Variants in TPPP2 observed in about 807,000 individuals in gnomAD.
The protein encoded by TPPP2 is tubulin polymerization promoting protein family member 2.
Under a neutral mutation model 13.0 loss-of-function variants are expected in TPPP2, and 8 were observed. The ratio of observed to expected loss-of-function variants is 0.62; its 90% CI spans 0.36 to 1.11. TPPP2 has a LOEUF of 1.11. Among genes scored for constraint, TPPP2 ranks in the 50% most tolerant of loss-of-function variants. TPPP2 has a pLI of 0.02. For synonymous variants in TPPP2, 81 were observed against 81.8 expected, an observed-to-expected ratio of 0.99 and a Z score of 0.05; for missense variants, 213 against 216.9, an observed-to-expected ratio of 0.98 and a Z score of 0.11.
At chr14:21,026,936 G>A (rs529799758), upstream of TPPP2, among the ~76,000 whole-genome samples, 1 of 146,434 alleles carries the variant, frequency 6.8e-6, no homozygotes, top group African/African-American at 2.8e-5. Context: ...CTGGGGAGAG[G>A]GAGAGCCTCG....
In TPPP2 at chr14:21,030,819, G is replaced by T. The variant is rs770735508; in HGVS notation, c.173+65G>T. 487 of 1,572,620 alleles carry T rather than the reference G, an allele frequency of 3.1e-4. 1 individual carries two copies. Among genetic ancestry groups the T allele is most frequent in the Non-Finnish European group, 2.8e-4 (325 of 1,155,448 alleles). Reference sequence around the variant, plus strand: ...CTGCGAGGTAGTTGGCCACGGAAGGGTTCACGTGGTGGAACATTTGCAGTG... The same window carrying T: ...CTGCGAGGTAGTTGGCCACGGAAGGTTTCACGTGGTGGAACATTTGCAGTG... On this transcript the variant is annotated intron_variant, in intron 2 of 3. Transcript: ENST00000321760.
upstream of TPPP2, among the ~76,000 whole-genome samples, chr14:21,029,545 C>A (rs1243287615): frequency 1.3e-5 from 2 of 152,172 alleles, no homozygotes; most frequent in Non-Finnish European, 2.9e-5. Context: ...TGCAGTGCCC[C>A]AGGATCATGC....
Position 21,030,537 on chromosome 14 carries a change from C to A in TPPP2, c.-45C>A, listed in dbSNP as rs1449787367. 6.3e-7 allele frequency: 1 copy of A among 1,594,948 alleles called. No individual in the cohort carries two copies. ...GTCCTCCCTCCCCCTTCTCCTTCACCCCCAAGTGTCTCCCACGACTGCCCT... is the reference window on the plus strand; with the variant it reads ...GTCCTCCCTCCCCCTTCTCCTTCACACCCAAGTGTCTCCCACGACTGCCCT... On this transcript the variant is annotated 5_prime_UTR_variant, in exon 2 of 4. Transcript: ENST00000321760.
intron 3 of TPPP2, 62 bp downstream of exon 3, chr14:21,031,227 C>T (rs753669989): frequency 1.3e-6 from 2 of 1,565,164 alleles, no homozygotes; most frequent in Non-Finnish European, 1.7e-6. Flanking sequence ...TCCAGTCTAC[C>T]CTCCCTAACC....
chr14:21,026,200 A>G (rs1883601241), upstream of TPPP2, among the ~76,000 whole-genome samples: 1 of 152,096 alleles, frequency 6.6e-6, no homozygotes, highest in South Asian at 2.1e-4. Flanking sequence ...TGCCCCTCGG[A>G]GGAAGGCTCC....
chr14:21,031,485 C>T (rs762887016), intron 3 of TPPP2, among the ~76,000 whole-genome samples: 2 of 152,210 alleles, frequency 1.3e-5, no homozygotes, highest in South Asian at 4.1e-4. Context: ...TCTTCCAATT[C>T]TTATTTAGGG....
At chr14:21,034,218 T>C (rs760659942), downstream of TPPP2, 11 of 1,614,038 alleles carry the variant, frequency 6.8e-6, no homozygotes, top group Non-Finnish European at 9.3e-6. Flanking sequence ...AATCTGCATC[T>C]TGATGTCCAT....
chr14:21,035,552 T>TCCTCTTAGGAGAG (rs1180613804), downstream of TPPP2, among the ~76,000 whole-genome samples: 1 of 152,184 alleles, frequency 6.6e-6, no homozygotes, highest in Non-Finnish European at 1.5e-5. Context: ...ATTTGGGGCC[T>TCCTCTTAGGAGAG]CCTCTTAGGA....
upstream of TPPP2, chr14:21,025,640 A>G: frequency 1.0e-6 from 1 of 985,272 alleles, no homozygotes; most frequent in Non-Finnish European, 1.2e-6. This position sits in a 1 kb window ranked among gnomAD's most constrained non-coding sequence, Gnocchi z 5.1. Flanking sequence ...TCGAGGGCGC[A>G]GGAGTTCCGA....
chr14:21,034,877 C>T (rs1249284356), downstream of TPPP2: 1 of 153,144 alleles, frequency 6.5e-6, no homozygotes, highest in African/African-American at 2.4e-5. Flanking sequence ...ACTATCTGGT[C>T]TCCTCCTCTA....
At position 21,030,902 on chromosome 14, in the gene TPPP2, T is replaced by C. The variant is rs146609024; in HGVS notation, c.174-110T>C. ...GTGCTATCCTTTGTCTTCGAGACACTCACTGATTGATAGGACAAAAGAGGC... is the reference window on the plus strand; with the variant it reads ...GTGCTATCCTTTGTCTTCGAGACACCCACTGATTGATAGGACAAAAGAGGC... On this transcript the variant is annotated intron_variant, in intron 2 of 3. Coordinates refer to ENST00000321760, the MANE Select transcript of TPPP2 (RefSeq NM_173846.5). 1,194 of 1,512,628 alleles carry C rather than the reference T, an allele frequency of 7.9e-4. 6 individuals are homozygous for C. In the African/African-American group the frequency reaches 0.014, roughly 18 times the overall value. The allele number at this position is 1,512,628 out of a possible 1,614,324, so 93.7% of individuals were successfully genotyped here. A position where few individuals can be genotyped will look rare whatever the true frequency, so the allele number is the denominator to read the frequency against.
chr14:21,030,403 G>A (rs1046582896), intron 1 of TPPP2, 99 bp downstream of exon 1: 34 of 630,868 alleles, frequency 5.4e-5, no homozygotes, highest in Middle Eastern at 8.7e-4. Flanking sequence ...CTGTAGTTGC[G>A]TAGGTGCAAT....
chr14:21,033,525 T>A, downstream of TPPP2: 1 of 446,158 alleles, frequency 2.2e-6, no homozygotes, highest in Non-Finnish European at 4.1e-6. Flanking sequence ...GGGTGGACAG[T>A]CACTGCCAAC....
rs200383138 is a variant in TPPP2, at chr14:21,031,977, G to A, written c.413G>A (p.Gly138Asp). The part of the protein sequence containing the change: ...GTHKERFDES[G>D]KGKGIAGREE... ...CACAAGGAGCGCTTTGATGAGAGTG[G>A]CAAGGGCAAGGGCATTGCGGGACGG... The change falls in exon 4 of 4, where the codon GGC becomes GAC. Residue 138 changes from glycine (G) to aspartate (D), a missense_variant. Transcript: ENST00000321760. The A allele has an allele frequency of 5.0e-6, 8 of 1,614,144 alleles. No homozygotes were observed. The highest frequency in any genetic ancestry group is 6.8e-6 in the Non-Finnish European group (8 of 1,179,984).
Position 21,025,122 on chromosome 14 carries a change from A to C in TPPP2, n.236+778A>C, listed in dbSNP as rs971366601. 2 of 969,584 alleles carry C rather than the reference A, an allele frequency of 2.1e-6. No individual in the cohort carries two copies. Among genetic ancestry groups the C allele is most frequent in the African/African-American group, 1.9e-5 (1 of 53,288 alleles). The allele number at this position is 969,584 out of a possible 1,614,324, so 60.1% of individuals were successfully genotyped here. On this transcript the variant is annotated intron_variant and non_coding_transcript_variant, in intron 1 of 1. Coordinates refer to the TPPP2 transcript ENST00000533755. This position sits in a 1 kb window ranked among gnomAD's most constrained non-coding sequence, Gnocchi z 5.1. ...CGCAGACCCGCCCCCGGCCCGCCCC[A>C]GCCCGCCCACGGGCGCTAGGCTCCC...
chr14:21,027,449 G>A (rs1883768976), upstream of TPPP2, among the ~76,000 whole-genome samples: 4 of 152,206 alleles, frequency 2.6e-5, no homozygotes, highest in South Asian at 2.1e-4. Flanking sequence ...GTCAAGAGAA[G>A]GTACAAACAC....
upstream of TPPP2, among the ~76,000 whole-genome samples, chr14:21,027,769 C>T (rs969115005): frequency 2.0e-5 from 3 of 152,204 alleles, no homozygotes; most frequent in African/African-American, 7.2e-5. Context: ...GGCTGTGGCC[C>T]ACAGTCTAGA....
intron 3 of TPPP2, among the ~76,000 whole-genome samples, chr14:21,031,524 T>C (rs930936568): frequency 1.3e-5 from 2 of 152,210 alleles, no homozygotes; most frequent in Admixed American, 6.5e-5. Flanking sequence ...GCCTCTCACC[T>C]ACTCCCTTTT....
chr14:21,025,742 G>A (rs999741186), upstream of TPPP2: 3 of 983,564 alleles, frequency 3.1e-6, no homozygotes, highest in African/African-American at 5.2e-5. This position sits in a 1 kb window ranked among gnomAD's most constrained non-coding sequence, Gnocchi z 5.1. Flanking sequence ...TGGACAACAA[G>A]GCGGGGAGGT....
Sources: gnomAD v4.1 joint callset for allele counts (sites outside exome capture counted in the v4.1 genomes callset) on GRCh38, gnomAD v4.1.1 for gene constraint, Gnocchi (gnomAD v3.1) non-coding constraint, MANE v1.5 for transcripts, NCBI Gene and HGNC (gene_info 2026-07-23, HGNC 2026-07-21) for gene names.